SKAP1: variants seen among roughly 807,000 people sequenced by gnomAD.
SKAP1 encodes the protein src kinase-associated phosphoprotein 1.
Under a neutral mutation model 58.5 loss-of-function variants are expected in SKAP1, and 44 were observed. The ratio of observed to expected loss-of-function variants is 0.75; its 90% CI spans 0.59 to 0.97. The LOEUF (loss-of-function observed/expected upper bound fraction) is 0.97, where lower values mean the gene tolerates loss of function less well. Ranked by LOEUF, SKAP1 falls within the 50% of genes least tolerant of loss-of-function variation. SKAP1 has a pLI of 0.00. For synonymous variants in SKAP1, 127 were observed against 149.7 expected (o/e 0.85, Z 1.11); for missense variants, 390 against 435.2 (o/e 0.90, Z 0.92).
intron 4 of SKAP1, among the ~76,000 whole-genome samples, chr17:48,292,783 T>G (rs746831525): frequency 1.3e-5 from 2 of 152,202 alleles, no homozygotes; most frequent in Non-Finnish European, 1.5e-5. Context: ...ACTCTTATGC[T>G]GTTGAATTTA....
chr17:48,380,577 C>A (rs527697295), intron 2 of SKAP1, among the ~76,000 whole-genome samples: 103 of 152,270 alleles, frequency 6.8e-4, no homozygotes, highest in Non-Finnish European at 1.2e-3. Context: ...AGGGTAGGGG[C>A]CTAGAAATCT....
At chr17:48,417,942 T>A (rs188683511) in intron 1 of SKAP1, among the ~76,000 whole-genome samples, 1 of 151,990 alleles carries the variant, frequency 6.6e-6, no homozygotes. Context: ...GATGGATAGA[T>A]TGATTTGCAT....
At chr17:48,179,845 C>T (rs2064344082) in intron 9 of SKAP1, among the ~76,000 whole-genome samples, 1 of 152,172 alleles carries the variant, frequency 6.6e-6, no homozygotes, top group South Asian at 2.1e-4. Flanking sequence ...GGATAGAAGA[C>T]ACTCATTAAT....
chr17:48,361,505 G>A (rs991189932), intron 3 of SKAP1, among the ~76,000 whole-genome samples: 1 of 152,070 alleles, frequency 6.6e-6, no homozygotes, highest in African/African-American at 2.4e-5. Context: ...CACCGCACCC[G>A]GCCAAGGCTG....
intron 4 of SKAP1, among the ~76,000 whole-genome samples, chr17:48,261,357 T>C (rs2065482390): frequency 6.6e-6 from 1 of 152,188 alleles, no homozygotes; most frequent in Non-Finnish European, 1.5e-5. Flanking sequence ...AAAAGAAATG[T>C]GGCACCAACC....
At chr17:48,188,041 G>T in intron 5 of SKAP1, 115 bp from the exon 6 acceptor site, 1 of 754,800 alleles carries the variant, frequency 1.3e-6, no homozygotes, top group South Asian at 1.7e-5. Context: ...CAGGTTAATG[G>T]ACTGTAAAAC....
chr17:48,227,357 G>C (rs940779495), intron 4 of SKAP1, among the ~76,000 whole-genome samples: 1 of 152,138 alleles, frequency 6.6e-6, no homozygotes, highest in African/African-American at 2.4e-5. Flanking sequence ...CTGCAGAATG[G>C]GTAGGCTAGA....
intron 11 of SKAP1, among the ~76,000 whole-genome samples, chr17:48,143,255 C>A (rs2063790819): frequency 7.0e-6 from 1 of 143,560 alleles, no homozygotes; most frequent in African/African-American, 2.7e-5. Context: ...AGTGCAGTGG[C>A]ATGATCTCGG....
At chr17:48,407,277 A>G (rs1351994956) in intron 1 of SKAP1, among the ~76,000 whole-genome samples, 1 of 152,376 alleles carries the variant, frequency 6.6e-6, no homozygotes, top group East Asian at 1.9e-4. Flanking sequence ...ACCAAACTCA[A>G]GAAGTCAGAA....
At chr17:48,339,531 T>A (rs1356925705) in intron 4 of SKAP1, among the ~76,000 whole-genome samples, 1 of 152,182 alleles carries the variant, frequency 6.6e-6, no homozygotes. Flanking sequence ...GCCATTAATT[T>A]TTTCAATCTA....
chr17:48,315,322 G>A (rs2066274238), intron 4 of SKAP1, among the ~76,000 whole-genome samples: 1 of 152,150 alleles, frequency 6.6e-6, no homozygotes, highest in South Asian at 2.1e-4. Context: ...TGTGGTATCT[G>A]TGAACACTCT....
intron 4 of SKAP1, among the ~76,000 whole-genome samples, chr17:48,246,684 C>G (rs891865483): frequency 2.0e-5 from 3 of 152,170 alleles, no homozygotes; most frequent in African/African-American, 7.2e-5. Flanking sequence ...TTCAGGTCTC[C>G]TAACAGTGCA....
intron 11 of SKAP1, among the ~76,000 whole-genome samples, chr17:48,148,909 C>T (rs995615280): frequency 2.0e-5 from 3 of 152,142 alleles, no homozygotes; most frequent in African/African-American, 7.2e-5. Context: ...GAATCATTCT[C>T]CAAAGAATTA....
intron 4 of SKAP1, among the ~76,000 whole-genome samples, chr17:48,344,616 T>C (rs1022044020): frequency 6.6e-6 from 1 of 152,232 alleles, no homozygotes; most frequent in Non-Finnish European, 1.5e-5. Context: ...CTACAATTAT[T>C]AATCAGCTAC....
intron 3 of SKAP1, among the ~76,000 whole-genome samples, chr17:48,349,608 G>A (rs766686879): frequency 7.9e-5 from 12 of 152,108 alleles, no homozygotes; most frequent in Non-Finnish European, 1.3e-4. Flanking sequence ...TGCTCCTGTA[G>A]CCTAAGTGTC....
chr17:48,410,991 C>T (rs2067656693), intron 1 of SKAP1, among the ~76,000 whole-genome samples: 2 of 150,152 alleles, frequency 1.3e-5, no homozygotes, highest in South Asian at 2.1e-4. Flanking sequence ...AAAGAGCTCC[C>T]AGTGGCCAAA....
At chr17:48,137,564 T>C (rs1436130467) in intron 11 of SKAP1, among the ~76,000 whole-genome samples, 1 of 152,192 alleles carries the variant, frequency 6.6e-6, no homozygotes, top group East Asian at 1.9e-4. Flanking sequence ...AATTAGCACA[T>C]TTGATGCCCT....
intron 4 of SKAP1, among the ~76,000 whole-genome samples, chr17:48,264,429 T>C (rs754227156): frequency 1.6e-4 from 24 of 152,190 alleles, no homozygotes; most frequent in Non-Finnish European, 2.8e-4. Flanking sequence ...AGATTCAATG[T>C]ACATTTTATT....
chr17:48,340,825 T>C (rs1325118210), intron 4 of SKAP1, among the ~76,000 whole-genome samples: 1 of 152,186 alleles, frequency 6.6e-6, no homozygotes, highest in East Asian at 1.9e-4. Context: ...TAAAAGCATT[T>C]AGAGGATAAT....
Sources: gnomAD v4.1 joint callset for allele counts (sites outside exome capture counted in the v4.1 genomes callset) on GRCh38, gnomAD v4.1.1 for gene constraint, MANE v1.5 for transcripts, NCBI Gene and HGNC (gene_info 2026-07-23, HGNC 2026-07-21) for gene names.